Variants in GRID2 observed in about 807,000 individuals in gnomAD.
The protein encoded by GRID2 is glutamate ionotropic receptor delta type subunit 2, also known as glutamate receptor ionotropic, delta-2.
GRID2 carries 33 observed loss-of-function variants against 114.8 expected under a neutral mutation model. The ratio of observed to expected loss-of-function variants is 0.29; its 90% confidence interval spans 0.22 to 0.38. The LOEUF (loss-of-function observed/expected upper bound fraction) is 0.38, where lower values mean the gene tolerates loss of function less well. Among genes scored for constraint, GRID2 ranks in the 10% least tolerant of loss-of-function variants. The pLI is 1.00. For synonymous variants in GRID2, 505 were observed against 449.9 expected (o/e 1.12, Z -1.55); for missense variants, 1,184 against 1,257.7 (o/e 0.94, Z 0.89).
In GRID2 at chr4:92,745,385, T is replaced by A. The variant is rs535747674; in HGVS notation, c.244+155099T>A. Reference sequence around the variant, plus strand: ...AGCTATTTAGTGTCTAATGTACTATTTTTCATTTTCATTCTCTCTTCTTTG... The same window carrying A: ...AGCTATTTAGTGTCTAATGTACTATATTTCATTTTCATTCTCTCTTCTTTG... On this transcript the variant is annotated intron_variant, in intron 2 of 15. Coordinates refer to ENST00000282020, the MANE Select transcript of GRID2 (RefSeq NM_001510.4). 9.8e-5 allele frequency among the ~76,000 whole-genome samples: 15 copies of A among 152,360 alleles called. No homozygotes were observed. In the South Asian group the frequency reaches 2.9e-3, roughly 29 times the overall value.
At chr4:93,765,386 C>A (rs920496419) in intron 14 of GRID2, among the ~76,000 whole-genome samples, 1 of 152,028 alleles carries the variant, frequency 6.6e-6, no homozygotes, top group African/African-American at 2.4e-5. Flanking sequence ...TGAAATCTCC[C>A]TGCAATGCCC....
At chr4:92,906,442 T>C (rs1190314920) in intron 2 of GRID2, among the ~76,000 whole-genome samples, 3 of 152,008 alleles carry the variant, frequency 2.0e-5, no homozygotes, top group Non-Finnish European at 4.4e-5. Flanking sequence ...AGAGCTGAAT[T>C]TTAGCACTTT....
intron 2 of GRID2, among the ~76,000 whole-genome samples, chr4:93,032,520 A>T (rs549701571): frequency 1.3e-5 from 2 of 152,296 alleles, no homozygotes; most frequent in Admixed American, 1.3e-4. Flanking sequence ...TACCTCTTAT[A>T]TTCTAAGGAA....
At chr4:92,644,213 T>A (rs1314860705) in intron 2 of GRID2, among the ~76,000 whole-genome samples, 1 of 151,802 alleles carries the variant, frequency 6.6e-6, no homozygotes, top group Non-Finnish European at 1.5e-5. Flanking sequence ...GTAGCCATGA[T>A]GTAAATGGAT....
rs537413431 is a variant in GRID2, at chr4:93,594,671, C to T, written c.2194-31598C>T. 3.3e-3 allele frequency among the ~76,000 whole-genome samples: 491 copies of T among 149,134 alleles called. 5 individuals carry two copies. Among genetic ancestry groups the T allele is most frequent in the African/African-American group, 0.011 (442 of 40,738 alleles). On this transcript the variant is annotated intron_variant, in intron 13 of 15. Coordinates refer to ENST00000282020, the MANE Select transcript of GRID2 (RefSeq NM_001510.4). ...CCCCAGCCTCGCTGCCACCTTGCAG[C>T]TTGATCTCAGACTGCTGTGCTAGCA... is the stretch of plus-strand genomic sequence containing the variant.
At chr4:93,346,584 T>C (rs1448248232) in intron 8 of GRID2, among the ~76,000 whole-genome samples, 2 of 152,174 alleles carry the variant, frequency 1.3e-5, no homozygotes, top group African/African-American at 2.4e-5. Context: ...CATTGTTGTG[T>C]CATTAAACTC....
chr4:93,442,294 T>G (rs1721697078), intron 10 of GRID2, among the ~76,000 whole-genome samples: 1 of 152,046 alleles, frequency 6.6e-6, no homozygotes, highest in African/African-American at 2.4e-5. Flanking sequence ...CTGTATTCTT[T>G]GCCCATAAGC....
chr4:93,176,248 T>A (rs1739336007), intron 4 of GRID2, among the ~76,000 whole-genome samples: 1 of 152,132 alleles, frequency 6.6e-6, no homozygotes, highest in Non-Finnish European at 1.5e-5. Flanking sequence ...AGCTATAGAT[T>A]GGATAATTAG....
At chr4:92,615,414 C>G (rs939333740) in intron 2 of GRID2, among the ~76,000 whole-genome samples, 15 of 151,540 alleles carry the variant, frequency 9.9e-5, no homozygotes, top group Non-Finnish European at 1.5e-4. Flanking sequence ...TGAGAGGAAA[C>G]AATTCAGTTC....
At chr4:92,308,361 G>A (rs2110105202) in intron 1 of GRID2, among the ~76,000 whole-genome samples, 1 of 152,292 alleles carries the variant, frequency 6.6e-6, no homozygotes, top group Non-Finnish European at 1.5e-5. Context: ...CACTCAAACA[G>A]TGTACTTATT....
At chr4:93,099,731 A>G (rs987117611) in intron 3 of GRID2, among the ~76,000 whole-genome samples, 1 of 151,896 alleles carries the variant, frequency 6.6e-6, no homozygotes, top group African/African-American at 2.4e-5. Context: ...AAACTACTTA[A>G]GCACCACTCT....
At chr4:93,373,240 A>G (rs1205088223) in intron 8 of GRID2, among the ~76,000 whole-genome samples, 1 of 151,722 alleles carries the variant, frequency 6.6e-6, no homozygotes, top group Non-Finnish European at 1.5e-5. Context: ...TGTTCCTCAA[A>G]CTAGAATTTT....
chr4:93,625,862 C>A (rs1165002312), intron 13 of GRID2, among the ~76,000 whole-genome samples: 1 of 152,138 alleles, frequency 6.6e-6, no homozygotes, highest in Admixed American at 6.5e-5. Context: ...TTGCAGTGAG[C>A]GGAGATCGCG....
chr4:92,742,424 TTTCTTC>T (rs1411991456), intron 2 of GRID2, among the ~76,000 whole-genome samples: 1 of 152,074 alleles, frequency 6.6e-6, no homozygotes, highest in African/African-American at 2.4e-5. Flanking sequence ...CCCCAGGATT[TTTCTTC>T]TTCATTTCTG....
chr4:92,311,833 C>T (rs1725723078), intron 1 of GRID2, among the ~76,000 whole-genome samples: 1 of 151,902 alleles, frequency 6.6e-6, no homozygotes, highest in Non-Finnish European at 1.5e-5. Context: ...TGAAGCATTG[C>T]TTTTAGTCTC....
chr4:92,501,276 T>C (rs1723671254), intron 1 of GRID2, among the ~76,000 whole-genome samples: 1 of 152,158 alleles, frequency 6.6e-6, no homozygotes, highest in Non-Finnish European at 1.5e-5. Flanking sequence ...GGCCAGAGCA[T>C]CTGTGAGGGG....
At chr4:92,697,458 ACT>A (rs1734472939) in intron 2 of GRID2, among the ~76,000 whole-genome samples, 1 of 152,130 alleles carries the variant, frequency 6.6e-6, no homozygotes, top group Non-Finnish European at 1.5e-5. Flanking sequence ...ATTGCAAAAG[ACT>A]CTGCACAGCA....
At chr4:92,513,836 T>C (rs1347736032) in intron 1 of GRID2, among the ~76,000 whole-genome samples, 1 of 151,938 alleles carries the variant, frequency 6.6e-6, no homozygotes. Flanking sequence ...AAAGGAAAAC[T>C]ATTTTGAAAT....
intron 14 of GRID2, among the ~76,000 whole-genome samples, chr4:93,675,160 T>A (rs1724743970): frequency 1.3e-5 from 2 of 152,112 alleles, no homozygotes; most frequent in South Asian, 4.1e-4. Context: ...ATATATTGCG[T>A]GTGTGTGTCT....
Sources: gnomAD v4.1 joint callset for allele counts (sites outside exome capture counted in the v4.1 genomes callset) on GRCh38, gnomAD v4.1.1 for gene constraint, MANE v1.5 for transcripts, NCBI Gene and HGNC (gene_info 2026-07-23, HGNC 2026-07-21) for gene names.